Variants in AGBL4 observed in about 807,000 individuals in gnomAD.
AGBL4 encodes the protein AGBL carboxypeptidase 4, also known as cytosolic carboxypeptidase 6.
AGBL4 carries 58 observed loss-of-function variants against 66.4 expected under a neutral mutation model. That is an observed-to-expected ratio of 0.87 (90% CI 0.71 to 1.09). The LOEUF (loss-of-function observed/expected upper bound fraction) is 1.09. AGBL4 is among the 50% of genes least tolerant of loss of function. The pLI, the probability that AGBL4 is intolerant of heterozygous loss-of-function variation, is 0.00. For missense variants in AGBL4, 579 were observed against 631.0 expected (o/e 0.92, Z 0.88); for synonymous variants, 234 against 222.9 (o/e 1.05, Z -0.44).
chr1:49,285,871 C>T (rs1175897705), intron 3 of AGBL4, among the ~76,000 whole-genome samples: 4 of 152,200 alleles, frequency 2.6e-5, no homozygotes, highest in Admixed American at 1.3e-4. Flanking sequence ...ATGAGGCCAG[C>T]ATCATTCTGA....
At chr1:49,320,418 T>C (rs986408897) in intron 3 of AGBL4, among the ~76,000 whole-genome samples, 9 of 152,148 alleles carry the variant, frequency 5.9e-5, no homozygotes, top group Non-Finnish European at 7.4e-5. Flanking sequence ...AGTAGACAAG[T>C]AGCAATATCT....
intron 5 of AGBL4, among the ~76,000 whole-genome samples, chr1:48,968,739 T>A (rs1658655524): frequency 6.6e-6 from 1 of 152,058 alleles, no homozygotes; most frequent in Non-Finnish European, 1.5e-5. Flanking sequence ...CCTCCCAAAT[T>A]TTCTACCACC....
At chr1:49,836,856 AG>A (rs779472195) in intron 2 of AGBL4, among the ~76,000 whole-genome samples, 5 of 152,120 alleles carry the variant, frequency 3.3e-5, no homozygotes, top group Non-Finnish European at 5.9e-5. Context: ...GGTCTGCTAG[AG>A]TTTGCTGAAG....
chr1:48,575,751 A>G (rs1644643686), intron 11 of AGBL4, among the ~76,000 whole-genome samples: 2 of 152,120 alleles, frequency 1.3e-5, no homozygotes, highest in Admixed American at 1.3e-4. Flanking sequence ...AGGTTAGGTT[A>G]GATGCTTCTT....
chr1:49,680,031 T>G (rs895390634), intron 3 of AGBL4, among the ~76,000 whole-genome samples: 7 of 151,080 alleles, frequency 4.6e-5, no homozygotes, highest in Non-Finnish European at 7.4e-5. Flanking sequence ...TCCAAGATTT[T>G]CTTCTTCTTC....
intron 3 of AGBL4, among the ~76,000 whole-genome samples, chr1:49,300,972 T>G (rs1644734548): frequency 6.6e-6 from 1 of 152,236 alleles, no homozygotes. Context: ...TTTGAATGAC[T>G]GTGATTTAAC....
rs367643202 is a variant in AGBL4 at position 48,713,929 on chromosome 1, C to T, written c.635-50688G>A. ...AGATATCTTCATTCTTCCCATTTTA[C>T]AGCTGAGGAAACTGAGGCCTAAGGA... On this transcript the variant is annotated intron_variant, in intron 6 of 13. Transcript: ENST00000371839. Among the ~76,000 whole-genome samples the T allele has an allele frequency of 3.3e-5, 5 of 152,316 alleles. No homozygotes were observed. In the East Asian group the frequency reaches 7.7e-4, roughly 23 times the overall value.
chr1:49,597,906 A>C (rs1644880997), intron 3 of AGBL4, among the ~76,000 whole-genome samples: 1 of 152,076 alleles, frequency 6.6e-6, no homozygotes, highest in Admixed American at 6.5e-5. Flanking sequence ...TCATCCTAAG[A>C]AGATTTTGGG....
chr1:48,568,373 G>A (rs903600072), intron 11 of AGBL4, among the ~76,000 whole-genome samples: 2 of 152,040 alleles, frequency 1.3e-5, no homozygotes, highest in African/African-American at 2.4e-5. Flanking sequence ...AGAAGATAGG[G>A]CTTTAGGCTA....
intron 11 of AGBL4, among the ~76,000 whole-genome samples, chr1:48,548,652 C>A (rs1041366098): frequency 2.0e-5 from 3 of 152,188 alleles, no homozygotes; most frequent in Non-Finnish European, 2.9e-5. Flanking sequence ...CTCCATACTT[C>A]TCACTCCCTG....
chr1:48,925,102 A>G (rs1654419161), intron 5 of AGBL4, among the ~76,000 whole-genome samples: 2 of 151,800 alleles, frequency 1.3e-5, no homozygotes, highest in Admixed American at 1.3e-4. Context: ...AAAAAAGCTG[A>G]GTCAAACCAT....
rs144823460 is a variant in AGBL4, at chr1:49,278,385, A to AAG, written c.283-32523_283-32522dup. ...GGATAACAAACAGGGCAGTAAATCT[A>AAG]AGAGAGAGAGAGCAGCACTTGTTCA... On this transcript the variant is annotated intron_variant, in intron 3 of 13. Coordinates refer to ENST00000371839, the MANE Select transcript of AGBL4 (RefSeq NM_032785.4). 4.5e-3 allele frequency among the ~76,000 whole-genome samples: 688 copies of AAG among 152,184 alleles called. 4 individuals carry two copies. Among genetic ancestry groups the AAG allele is most frequent in the African/African-American group, 0.015 (622 of 41,526 alleles).
At chr1:49,503,197 G>T (rs1648342313) in intron 3 of AGBL4, among the ~76,000 whole-genome samples, 1 of 152,062 alleles carries the variant, frequency 6.6e-6, no homozygotes, top group Non-Finnish European at 1.5e-5. Flanking sequence ...ATCTTCAGAG[G>T]GTACAAGCCC....
intron 11 of AGBL4, among the ~76,000 whole-genome samples, chr1:48,562,716 T>C (rs1435137835): frequency 1.3e-5 from 2 of 152,112 alleles, no homozygotes; most frequent in East Asian, 3.9e-4. Context: ...GGAAGAAAAT[T>C]TGAGACTCAG....
chr1:49,014,487 A>T lies in AGBL4; in HGVS notation c.594+31097T>A, dbSNP rs543480300. ...AATAATCTATGAGGGATGCTTGGAA[A>T]CTTAGAACACAGCTTCACATTTTCG... On this transcript the variant is annotated intron_variant, in intron 5 of 13. Transcript: ENST00000371839. Among the ~76,000 whole-genome samples the T allele has an allele frequency of 1.3e-4, 20 of 152,240 alleles. No homozygotes were observed. The South Asian group carries it at 4.1e-3, about 32-fold the overall frequency.
chr1:48,905,872 C>T (rs1449537982), intron 5 of AGBL4, among the ~76,000 whole-genome samples: 1 of 152,170 alleles, frequency 6.6e-6, no homozygotes, highest in African/African-American at 2.4e-5. Context: ...AGTATTCATC[C>T]ATTTATTTGA....
intron 5 of AGBL4, among the ~76,000 whole-genome samples, chr1:49,042,040 T>C (rs1372859601): frequency 2.6e-5 from 4 of 152,102 alleles, no homozygotes; most frequent in African/African-American, 9.7e-5. Context: ...AAAAAACTCA[T>C]TCTATCCTTA....
intron 5 of AGBL4, among the ~76,000 whole-genome samples, chr1:49,015,311 T>C (rs545090091): frequency 1.3e-5 from 2 of 151,998 alleles, no homozygotes; most frequent in East Asian, 3.9e-4. Flanking sequence ...TTGAGAAAGG[T>C]GAAATGAGAA....
At chr1:49,342,323 G>A (rs1299732919) in intron 3 of AGBL4, among the ~76,000 whole-genome samples, 2 of 152,116 alleles carry the variant, frequency 1.3e-5, no homozygotes, top group African/African-American at 4.8e-5. Context: ...ATCTGTCACA[G>A]AGAGGTGGAC....
Sources: gnomAD v4.1 joint callset for allele counts (sites outside exome capture counted in the v4.1 genomes callset) on GRCh38, gnomAD v4.1.1 for gene constraint, MANE v1.5 for transcripts, NCBI Gene and HGNC (gene_info 2026-07-23, HGNC 2026-07-21) for gene names.